GULP1: variants seen among roughly 807,000 people sequenced by gnomAD.
GULP1 encodes PTB domain-containing engulfment adapter protein 1.
A neutral mutation model predicts 40.9 loss-of-function variants in GULP1; 19 were observed. The observed-to-expected ratio is 0.46, with a 90% CI of 0.32 to 0.68. The LOEUF (loss-of-function observed/expected upper bound fraction) is 0.68, where lower values mean the gene tolerates loss of function less well. GULP1 is among the 30% of genes least tolerant of loss of function. The pLI is 0.03. For missense variants in GULP1, 312 were observed against 362.2 expected, an observed-to-expected ratio of 0.86 and a Z score of 1.12; for synonymous variants, 119 against 117.6, an observed-to-expected ratio of 1.01 and a Z score of -0.08.
At chr2:188,486,346 A>G (rs866657493) in intron 4 of GULP1, among the ~76,000 whole-genome samples, 2 of 152,132 alleles carry the variant, frequency 1.3e-5, no homozygotes, top group South Asian at 2.1e-4. Context: ...GGAATGGTAT[A>G]TAAGTAGAGA....
intron 2 of GULP1, among the ~76,000 whole-genome samples, chr2:188,396,521 TAGC>T (rs1474186833): frequency 3.9e-5 from 6 of 152,198 alleles, no homozygotes; most frequent in Non-Finnish European, 7.3e-5. Context: ...AGTGTTCCAC[TAGC>T]AGCAGCAAGC....
intron 9 of GULP1, among the ~76,000 whole-genome samples, chr2:188,580,359 C>T (rs545492472): frequency 6.6e-6 from 1 of 151,936 alleles, no homozygotes; most frequent in South Asian, 2.1e-4. Flanking sequence ...CGAGACCATC[C>T]CGGCTAAAAC....
At chr2:188,584,126 AT>A (rs1276719644) in intron 9 of GULP1, 138 bp from the exon 10 acceptor site, 3 of 551,088 alleles carry the variant, frequency 5.4e-6, no homozygotes, top group African/African-American at 1.9e-5. Context: ...ATACTTAACT[AT>A]TTTTGGTCTA....
intron 2 of GULP1, among the ~76,000 whole-genome samples, chr2:188,388,437 A>G (rs919926451): frequency 2.6e-5 from 4 of 151,542 alleles, no homozygotes; most frequent in African/African-American, 9.7e-5. Context: ...CAGCTCCTTG[A>G]GAGGCTGAAG....
chr2:188,498,161 T>C lies in GULP1; in HGVS notation c.90+14669T>C, dbSNP rs371596109. Among the ~76,000 whole-genome samples, 20 of 152,060 alleles carry C rather than the reference T, an allele frequency of 1.3e-4. 1 individual carries two copies. The East Asian group carries it at 3.3e-3, about 25-fold the overall frequency. On this transcript the variant is annotated intron_variant, in intron 4 of 11. Coordinates refer to ENST00000409830, the MANE Select transcript of GULP1 (RefSeq NM_016315.4). The stretch of plus-strand genomic sequence containing the variant: ...TGGCCATTATAATCAGAGGTAACAG[T>C]ATACTCAGCATCCCAGAGACATACC...
intron 4 of GULP1, among the ~76,000 whole-genome samples, chr2:188,499,936 C>T (rs988898212): frequency 1.8e-4 from 27 of 151,688 alleles, no homozygotes; most frequent in African/African-American, 5.3e-4. Flanking sequence ...AATGCTGCTA[C>T]CTGATACCCT....
intron 7 of GULP1, among the ~76,000 whole-genome samples, chr2:188,547,549 A>T (rs558803166): frequency 2.2e-4 from 33 of 152,212 alleles, no homozygotes; most frequent in African/African-American, 7.9e-4. Flanking sequence ...AGGTTAAGCC[A>T]GTCTAGCCTT....
intron 1 of GULP1, among the ~76,000 whole-genome samples, chr2:188,346,249 A>G (rs1022339118): frequency 2.0e-5 from 3 of 152,142 alleles, no homozygotes; most frequent in African/African-American, 7.2e-5. Flanking sequence ...CAGTTGTATT[A>G]TAATAGGATG....
rs1475559777 is a variant in GULP1, at chr2:188,566,384, A to G, written c.400-2855A>G. ...CTAAGTGCCTAGTAAAGATGTTATT[A>G]TAAAATGAGAACATGGTTTTTTAAA... On this transcript the variant is annotated intron_variant, in intron 7 of 11. Transcript: ENST00000409830. Among the ~76,000 whole-genome samples, 7 of 152,308 alleles carry G rather than the reference A, an allele frequency of 4.6e-5. 1 individual carries two copies. In the South Asian group the frequency reaches 8.3e-4, roughly 18 times the overall value.
chr2:188,404,672 C>T (rs1208672205), intron 2 of GULP1, among the ~76,000 whole-genome samples: 3 of 152,178 alleles, frequency 2.0e-5, no homozygotes, highest in Non-Finnish European at 4.4e-5. Flanking sequence ...GTTAGGCTGA[C>T]CCCTGTGGCC....
At chr2:188,311,250 G>A (rs1203807642) in intron 1 of GULP1, among the ~76,000 whole-genome samples, 7 of 151,882 alleles carry the variant, frequency 4.6e-5, no homozygotes, top group Non-Finnish European at 1.0e-4. Flanking sequence ...AGGCTGCAGT[G>A]CAGTGACATG....
chr2:188,296,458 G>T (rs2034957837), intron 1 of GULP1, among the ~76,000 whole-genome samples: 1 of 151,990 alleles, frequency 6.6e-6, no homozygotes, highest in Middle Eastern at 3.2e-3. Context: ...TGTCATCAGA[G>T]GACAGTTAAT....
chr2:188,408,480 G>A (rs923688911), intron 2 of GULP1, among the ~76,000 whole-genome samples: 1 of 152,090 alleles, frequency 6.6e-6, no homozygotes, highest in African/African-American at 2.4e-5. Flanking sequence ...AAATTTTTAA[G>A]TATATATGTA....
intron 1 of GULP1, among the ~76,000 whole-genome samples, chr2:188,319,902 G>A (rs1218929959): frequency 6.6e-6 from 1 of 151,932 alleles, no homozygotes; most frequent in East Asian, 1.9e-4. Context: ...GAGTATGTTT[G>A]ATGGTGATAA....
chr2:188,556,048 ACT>A (rs749795307), intron 7 of GULP1, among the ~76,000 whole-genome samples: 2 of 149,448 alleles, frequency 1.3e-5, no homozygotes, highest in African/African-American at 4.9e-5. Context: ...ACAGAGTGAG[ACT>A]CTGTCTCAAA....
intron 1 of GULP1, among the ~76,000 whole-genome samples, chr2:188,338,292 T>C (rs1188034589): frequency 6.6e-6 from 1 of 151,516 alleles, no homozygotes; most frequent in Non-Finnish European, 1.5e-5. Context: ...TTTTTTTTTT[T>C]TTTTGAGTCA....
At chr2:188,555,009 C>T (rs181003054) in intron 7 of GULP1, among the ~76,000 whole-genome samples, 75 of 151,964 alleles carry the variant, frequency 4.9e-4, no homozygotes, top group African/African-American at 1.8e-3. Context: ...TTTTCTGTCT[C>T]TTTACTTTTA....
At chr2:188,417,988 TG>T (rs1646631333) in intron 2 of GULP1, among the ~76,000 whole-genome samples, 1 of 151,964 alleles carries the variant, frequency 6.6e-6, no homozygotes, top group Non-Finnish European at 1.5e-5. Flanking sequence ...TGTTTTGTTT[TG>T]TTTTTTTAGA....
intron 2 of GULP1, among the ~76,000 whole-genome samples, chr2:188,410,980 A>G (rs778115774): frequency 6.6e-6 from 1 of 152,218 alleles, no homozygotes; most frequent in Non-Finnish European, 1.5e-5. Flanking sequence ...TCATGTGGTC[A>G]TAAGACCTAC....
Sources: gnomAD v4.1 joint callset for allele counts (sites outside exome capture counted in the v4.1 genomes callset) on GRCh38, gnomAD v4.1.1 for gene constraint, MANE v1.5 for transcripts, NCBI Gene and HGNC (gene_info 2026-07-23, HGNC 2026-07-21) for gene names.